Variants in SDCCAG8 observed in about 807,000 individuals in gnomAD.
SDCCAG8 encodes the protein SHH signaling and ciliogenesis regulator SDCCAG8.
Under a neutral mutation model 101.8 loss-of-function variants are expected in SDCCAG8, and 74 were observed. The observed-to-expected ratio is 0.73, with a 90% confidence interval of 0.60 to 0.88. The LOEUF is 0.88. Among genes scored for constraint, SDCCAG8 ranks in the 40% least tolerant of loss-of-function variants. The probability of loss-of-function intolerance (pLI) is 0.00; values close to 1 mark genes in which losing one functional copy is unlikely to be tolerated. For missense variants in SDCCAG8, 787 were observed against 822.6 expected, an observed-to-expected ratio of 0.96 and a Z score of 0.53; for synonymous variants, 281 against 292.9, an observed-to-expected ratio of 0.96 and a Z score of 0.41.
intron 1 of SDCCAG8, chr1:243,267,645 G>T (rs975754891): frequency 4.1e-6 from 3 of 730,946 alleles, no homozygotes; most frequent in Non-Finnish European, 7.5e-6. Flanking sequence ...TGGGCACAAT[G>T]TAACACTTAC....
chr1:243,400,513 T>C (rs1021691371), intron 13 of SDCCAG8, among the ~76,000 whole-genome samples: 1 of 152,166 alleles, frequency 6.6e-6, no homozygotes, highest in African/African-American at 2.4e-5. Context: ...TCAATTTTCA[T>C]TTAGTCATTT....
chr1:243,381,749 T>A (rs564829380), intron 13 of SDCCAG8, among the ~76,000 whole-genome samples: 13 of 152,338 alleles, frequency 8.5e-5, no homozygotes, highest in Non-Finnish European at 1.5e-4. Flanking sequence ...ACTCAGTTTC[T>A]ACCCTTAGAT....
At chr1:243,397,279 G>A (rs1383360446) in intron 13 of SDCCAG8, among the ~76,000 whole-genome samples, 3 of 152,332 alleles carry the variant, frequency 2.0e-5, no homozygotes, top group African/African-American at 7.2e-5. Flanking sequence ...TAATTTGTGA[G>A]TTTAGTTTGG....
At chr1:243,411,290 G>GT (rs369336853) in intron 13 of SDCCAG8, among the ~76,000 whole-genome samples, 4 of 151,040 alleles carry the variant, frequency 2.6e-5, no homozygotes, top group Admixed American at 2.0e-4. Context: ...AATTTTTGTA[G>GT]TTTTTTTTGT....
intron 16 of SDCCAG8, among the ~76,000 whole-genome samples, chr1:243,450,974 G>A (rs1471183297): frequency 1.3e-5 from 2 of 152,338 alleles, no homozygotes; most frequent in East Asian, 1.9e-4. Context: ...CTAAAATGCT[G>A]CTAAAATCAC....
At chr1:243,372,012 T>A (rs1374095188) in intron 12 of SDCCAG8, among the ~76,000 whole-genome samples, 2 of 152,100 alleles carry the variant, frequency 1.3e-5, no homozygotes, top group Non-Finnish European at 2.9e-5. Flanking sequence ...AATCTTAACA[T>A]CTATAAGTTA....
At chr1:243,297,605 C>T (rs1048323395) in intron 6 of SDCCAG8, among the ~76,000 whole-genome samples, 1 of 152,068 alleles carries the variant, frequency 6.6e-6, no homozygotes, top group Non-Finnish European at 1.5e-5. Context: ...CATATCCTTA[C>T]TAATCATATA....
intron 13 of SDCCAG8, among the ~76,000 whole-genome samples, chr1:243,405,311 G>T (rs1289399305): frequency 1.3e-5 from 2 of 152,076 alleles, no homozygotes; most frequent in African/African-American, 4.8e-5. Context: ...ACTTTTAGGT[G>T]TTAAAAAGCA....
At chr1:243,267,606 A>G (rs1314321590) in intron 1 of SDCCAG8, 7 of 195,522 alleles carry the variant, frequency 3.6e-5, no homozygotes, top group South Asian at 2.6e-4. Context: ...CCCTCTCAAG[A>G]AAAAAAAAAA....
rs1453249734 is a variant in SDCCAG8, at chr1:243,286,282, C to T, written c.431C>T (p.Ser144Phe). The T allele has an allele frequency of 6.2e-7, 1 of 1,613,980 alleles. No individual in the cohort carries two copies. The highest frequency in any genetic ancestry group is 1.6e-4 in the Middle Eastern group (1 of 6,062). Residue 144 changes from serine to phenylalanine, a missense_variant, in exon 5 of 18, where the codon TCT (serine) becomes TTT (phenylalanine). Coordinates refer to ENST00000366541, the MANE Select transcript of SDCCAG8 (RefSeq NM_006642.5). ...AEVKFCKEEL[S>F]GMKNKIQVVV... Reference sequence around the variant, plus strand: ...TTTTGTTTATTATAGGAGGAACTCTCTGGAATGAAAAATAAAATACAAGTA... The same window carrying T: ...TTTTGTTTATTATAGGAGGAACTCTTTGGAATGAAAAATAAAATACAAGTA...
intron 9 of SDCCAG8, among the ~76,000 whole-genome samples, chr1:243,320,550 G>C (rs539202887): frequency 3.3e-4 from 50 of 152,220 alleles, no homozygotes; most frequent in African/African-American, 1.1e-3. Context: ...GAGGGCTTAG[G>C]GGGTGAACAT....
chr1:243,308,370 G>A (rs2072373178), intron 8 of SDCCAG8, among the ~76,000 whole-genome samples, 193 bp downstream of exon 8: 1 of 152,212 alleles, frequency 6.6e-6, no homozygotes, highest in Non-Finnish European at 1.5e-5. Context: ...ATGTCACCAT[G>A]TCACTTTGAA....
At chr1:243,378,487 C>G in intron 12 of SDCCAG8, among the ~76,000 whole-genome samples, 1 of 152,180 alleles carries the variant, frequency 6.6e-6, no homozygotes, top group South Asian at 2.1e-4. Flanking sequence ...TGACTACTCT[C>G]ATTTAATCAT....
intron 13 of SDCCAG8, among the ~76,000 whole-genome samples, chr1:243,403,684 A>G (rs1438471244): frequency 1.3e-5 from 2 of 152,134 alleles, no homozygotes; most frequent in African/African-American, 2.4e-5. Context: ...TAAACTGCGC[A>G]TGTGAGGGAT....
intron 3 of SDCCAG8, 27 bp from the exon 4 acceptor site, chr1:243,274,516 T>A (rs1176408826): frequency 8.1e-7 from 1 of 1,231,794 alleles, no homozygotes; most frequent in Admixed American, 1.7e-5. Flanking sequence ...TGTATTTATG[T>A]ATTTATTTAT....
chr1:243,318,637 G>A, intron 9 of SDCCAG8: 16 of 898,426 alleles, frequency 1.8e-5, no homozygotes, highest in Non-Finnish European at 2.1e-5. Context: ...TTGAAACTTA[G>A]GTTCAGTTAT....
At chr1:243,351,770 A>G (rs1159778024) in intron 12 of SDCCAG8, among the ~76,000 whole-genome samples, 1 of 152,274 alleles carries the variant, frequency 6.6e-6, no homozygotes, top group African/African-American at 2.4e-5. Flanking sequence ...TGTTCATTTA[A>G]TAAAAGTCTA....
intron 12 of SDCCAG8, 121 bp from the exon 13 acceptor site, chr1:243,378,600 C>T (rs1432604778): frequency 1.8e-6 from 2 of 1,099,430 alleles, no homozygotes; most frequent in Non-Finnish European, 2.7e-6. Flanking sequence ...GGAAGCTAGC[C>T]TAAATTTTCT....
intron 13 of SDCCAG8, among the ~76,000 whole-genome samples, chr1:243,383,531 C>T: frequency 6.6e-6 from 1 of 152,100 alleles, no homozygotes; most frequent in East Asian, 1.9e-4. Context: ...TAAGGTATTT[C>T]CTTAGTTTGA....
Sources: allele counts gnomAD v4.1 joint callset (sites outside exome capture counted in the v4.1 genomes callset), GRCh38; gene constraint gnomAD v4.1.1; transcripts MANE v1.5; gene names NCBI Gene and HGNC (gene_info 2026-07-23, HGNC 2026-07-21).